Variants in NEK11 observed in about 807,000 individuals in gnomAD.
The protein encoded by NEK11 is serine/threonine-protein kinase Nek11.
A neutral mutation model predicts 80.7 loss-of-function variants in NEK11; 72 were observed. The observed-to-expected ratio is 0.89, with a 90% CI of 0.74 to 1.08. The LOEUF is 1.08. Among genes scored for constraint, NEK11 ranks in the 50% least tolerant of loss-of-function variants. The pLI is 0.00. For missense variants in NEK11, 764 were observed against 763.6 expected, an observed-to-expected ratio of 1.00 and a Z score of -0.01; for synonymous variants, 251 against 260.7, an observed-to-expected ratio of 0.96 and a Z score of 0.36.
At chr3:131,230,326 T>C (rs2095305991) in intron 15 of NEK11, among the ~76,000 whole-genome samples, 1 of 152,204 alleles carries the variant, frequency 6.6e-6, no homozygotes, top group African/African-American at 2.4e-5. Flanking sequence ...TTGCATGTCT[T>C]TATAACTTGC....
At chr3:131,200,936 T>G (rs2094202859) in intron 14 of NEK11, among the ~76,000 whole-genome samples, 2 of 152,176 alleles carry the variant, frequency 1.3e-5, no homozygotes, top group Admixed American at 6.5e-5. Context: ...TATACAAGAA[T>G]GCAGTAATAG....
rs769005329 is a variant in NEK11, at chr3:131,243,332, A to G, written c.1561-104A>G. 50 of 987,886 alleles carry G rather than the reference A, an allele frequency of 5.1e-5. No individual in the cohort carries two copies. The African/African-American group carries it at 7.6e-4, about 15-fold the overall frequency. 61.2% of individuals were successfully genotyped at this position (987,886 alleles called of 1,614,324 possible). ...AGGATTATACTGAAATAATTTTGGA[A>G]CCAGATTTTTTTTTCGCCTAAATGT... is the stretch of plus-strand genomic sequence containing the variant. On this transcript the variant is annotated intron_variant, in intron 15 of 17. Transcript: ENST00000383366.
At chr3:131,332,801 C>T (rs1029692867) in intron 17 of NEK11, among the ~76,000 whole-genome samples, 4 of 152,058 alleles carry the variant, frequency 2.6e-5, no homozygotes, top group South Asian at 2.1e-4. Flanking sequence ...AGCCAAGGCT[C>T]GAGAACTGCG....
intron 17 of NEK11, among the ~76,000 whole-genome samples, chr3:131,322,999 A>G (rs190383606): frequency 6.6e-6 from 1 of 152,254 alleles, no homozygotes; most frequent in African/African-American, 2.4e-5. Context: ...ATCACATCTT[A>G]TGTCTGAAAG....
chr3:131,310,499 C>T (rs1321232093), intron 17 of NEK11, among the ~76,000 whole-genome samples: 8 of 152,186 alleles, frequency 5.3e-5, no homozygotes, highest in East Asian at 3.8e-4. Flanking sequence ...CACTGATGAA[C>T]GACTTAGCTA....
At chr3:131,201,414 T>A (rs1259752036) in intron 14 of NEK11, among the ~76,000 whole-genome samples, 3 of 152,156 alleles carry the variant, frequency 2.0e-5, no homozygotes, top group Non-Finnish European at 4.4e-5. Flanking sequence ...ATTTGCTTTA[T>A]ATTTATTATA....
intron 17 of NEK11, among the ~76,000 whole-genome samples, chr3:131,315,395 A>C (rs2096826622): frequency 6.6e-6 from 1 of 152,040 alleles, no homozygotes; most frequent in African/African-American, 2.4e-5. Flanking sequence ...TTCACTTAGC[A>C]CAATGTCCTC....
At chr3:131,175,479 T>C (rs2092951639) in intron 14 of NEK11, among the ~76,000 whole-genome samples, 1 of 152,188 alleles carries the variant, frequency 6.6e-6, no homozygotes, top group Non-Finnish European at 1.5e-5. Flanking sequence ...TTATGTGAAG[T>C]GAAAGAAGCC....
chr3:131,081,172 T>C (rs1560305423), intron 4 of NEK11, among the ~76,000 whole-genome samples: 2 of 152,092 alleles, frequency 1.3e-5, no homozygotes, highest in African/African-American at 4.8e-5. Flanking sequence ...AATTTTTTGA[T>C]AGGGGGAAGG....
chr3:131,322,019 A>G (rs2096902195), intron 17 of NEK11, among the ~76,000 whole-genome samples: 1 of 152,218 alleles, frequency 6.6e-6, no homozygotes, highest in Non-Finnish European at 1.5e-5. Context: ...AAAGTGTTCA[A>G]CCAAAAAGAC....
At chr3:131,281,320 A>AT (rs1010492136) in intron 17 of NEK11, among the ~76,000 whole-genome samples, 5 of 152,208 alleles carry the variant, frequency 3.3e-5, no homozygotes, top group African/African-American at 1.2e-4. Flanking sequence ...TTAAAAATAT[A>AT]TTCAGATAAA....
At chr3:131,263,511 G>C (rs1012406739) in intron 16 of NEK11, among the ~76,000 whole-genome samples, 1 of 152,204 alleles carries the variant, frequency 6.6e-6, no homozygotes, top group Non-Finnish European at 1.5e-5. Context: ...GATGCCTCCA[G>C]CTTTGTTCTT....
At chr3:131,264,616 C>T (rs987006923) in intron 16 of NEK11, among the ~76,000 whole-genome samples, 7 of 152,252 alleles carry the variant, frequency 4.6e-5, no homozygotes, top group African/African-American at 1.7e-4. Context: ...GTTACTGTAG[C>T]CTTGTAGTAT....
chr3:131,273,977 C>T (rs2096247417), intron 17 of NEK11, among the ~76,000 whole-genome samples: 1 of 150,940 alleles, frequency 6.6e-6, no homozygotes. Context: ...TATTATTATA[C>T]TTTAAGTTTT....
At chr3:131,273,671 G>C in intron 17 of NEK11, 97 bp downstream of exon 17, 4 of 874,776 alleles carry the variant, frequency 4.6e-6, no homozygotes, top group Non-Finnish European at 7.3e-6. Context: ...TAGTCCATTT[G>C]TGCTGCCGTG....
At chr3:131,263,983 A>T (rs1435723161) in intron 16 of NEK11, among the ~76,000 whole-genome samples, 1 of 151,992 alleles carries the variant, frequency 6.6e-6, no homozygotes, top group Non-Finnish European at 1.5e-5. Flanking sequence ...GCATTTTTTC[A>T]TGTGTCTGTT....
chr3:131,329,568 G>A (rs2097036378), intron 17 of NEK11: 1 of 152,076 alleles, frequency 6.6e-6, no homozygotes, highest in Non-Finnish European at 1.5e-5. Context: ...CTGGAAAGTA[G>A]CAAATACTAA....
At chr3:131,338,590 C>A (rs938202611) in intron 17 of NEK11, among the ~76,000 whole-genome samples, 1 of 152,124 alleles carries the variant, frequency 6.6e-6, no homozygotes, top group African/African-American at 2.4e-5. Context: ...CTAGGAACAA[C>A]CCAAATATTG....
intron 5 of NEK11, among the ~76,000 whole-genome samples, chr3:131,114,941 C>A (rs1460743615): frequency 6.6e-6 from 1 of 152,108 alleles, no homozygotes; most frequent in Non-Finnish European, 1.5e-5. Context: ...GTTGCAAATG[C>A]CTTGCAAAAA....
Sources: allele counts gnomAD v4.1 joint callset (sites outside exome capture counted in the v4.1 genomes callset), GRCh38; gene constraint gnomAD v4.1.1; transcripts MANE v1.5; gene names NCBI Gene and HGNC (gene_info 2026-07-23, HGNC 2026-07-21).